Variants in DNAAF6 observed in about 807,000 individuals in gnomAD.
The protein encoded by DNAAF6 is PIH1 domain containing 3.
Under a neutral mutation model 13.7 loss-of-function variants are expected in DNAAF6, and 3 were observed. That is an observed-to-expected ratio of 0.22 (90% CI 0.10 to 0.56). DNAAF6 has a LOEUF of 0.56. DNAAF6 is among the 20% of genes least tolerant of loss of function. DNAAF6 has a pLI of 0.92. For synonymous variants in DNAAF6, 54 were observed against 49.2 expected, an observed-to-expected ratio of 1.10 and a Z score of -0.41; for missense variants, 130 against 151.0, an observed-to-expected ratio of 0.86 and a Z score of 0.73.
chrX:107,217,157 A>G (rs1220213144), intron 3 of DNAAF6, among the ~76,000 whole-genome samples: 2 of 112,031 alleles, frequency 1.8e-5, no homozygotes, highest in Non-Finnish European at 3.8e-5. Context: ...CACTGCAGGT[A>G]AATAGTTTTT....
intron 5 of DNAAF6, among the ~76,000 whole-genome samples, chrX:107,230,293 T>C (rs1225230152): frequency 1.8e-5 from 2 of 111,984 alleles, no homozygotes; most frequent in Non-Finnish European, 3.8e-5. Context: ...CATCTCTATC[T>C]GGACCATTCT....
chrX:107,219,870 C>T (rs1215644954), intron 4 of DNAAF6, among the ~76,000 whole-genome samples: 1 of 109,072 alleles, frequency 9.2e-6, no homozygotes, highest in African/African-American at 3.4e-5. Flanking sequence ...AATCTCTGCT[C>T]ACTGCAACCT....
intron 4 of DNAAF6, among the ~76,000 whole-genome samples, chrX:107,222,219 C>G (rs1928162234): frequency 9.0e-6 from 1 of 110,820 alleles, no homozygotes; most frequent in Non-Finnish European, 1.9e-5. Flanking sequence ...ACTCACCCCT[C>G]CCTCCCATAA....
chrX:107,242,111 C>T (rs1046018286), intron 6 of DNAAF6, among the ~76,000 whole-genome samples: 2 of 111,832 alleles, frequency 1.8e-5, no homozygotes, highest in East Asian at 5.6e-4. Flanking sequence ...AATGCATTGC[C>T]ACTACGTTTG....
At chrX:107,242,955 G>A (rs1267532623) in intron 6 of DNAAF6, among the ~76,000 whole-genome samples, 1 of 111,000 alleles carries the variant, frequency 9.0e-6, no homozygotes, top group African/African-American at 3.3e-5. Flanking sequence ...AAAAATAGGG[G>A]CGCCAAAACA....
intron 5 of DNAAF6, among the ~76,000 whole-genome samples, chrX:107,233,470 C>A (rs1928455716): frequency 9.0e-6 from 1 of 111,105 alleles, no homozygotes. Context: ...AGTTTGTATC[C>A]TTTGACCTGC....
intron 4 of DNAAF6, among the ~76,000 whole-genome samples, chrX:107,221,304 G>GC (rs202004268): frequency 2.8e-5 from 3 of 107,195 alleles, no homozygotes; most frequent in East Asian, 2.9e-4. Flanking sequence ...GCCAACCACC[G>GC]CCCCCCCGGC....
At chrX:107,210,767 T>A (rs1044038556) in intron 1 of DNAAF6, among the ~76,000 whole-genome samples, 4 of 111,073 alleles carry the variant, frequency 3.6e-5, no homozygotes, top group African/African-American at 1.3e-4. Context: ...TACTATCCAA[T>A]AAGTCAGGGC....
chrX:107,225,695 G>A (rs6652955), intron 5 of DNAAF6, among the ~76,000 whole-genome samples: 1 of 111,359 alleles, frequency 9.0e-6, no homozygotes, highest in Non-Finnish European at 1.9e-5. Context: ...ACCCTCCCCA[G>A]ACTCCAAATA....
chrX:107,222,371 C>T (rs1429845991), intron 4 of DNAAF6, among the ~76,000 whole-genome samples: 1 of 111,828 alleles, frequency 8.9e-6, no homozygotes, highest in Non-Finnish European at 1.9e-5. Context: ...CTATCAATCC[C>T]TAGGTTATGG....
At chrX:107,222,068 G>A (rs1602682600) in intron 4 of DNAAF6, among the ~76,000 whole-genome samples, 1 of 111,179 alleles carries the variant, frequency 9.0e-6, no homozygotes, top group Non-Finnish European at 1.9e-5. Flanking sequence ...ATTGTCATGT[G>A]TGGGGTGAAA....
chrX:107,241,841 C>A (rs1278373969), intron 6 of DNAAF6, among the ~76,000 whole-genome samples: 1 of 111,867 alleles, frequency 8.9e-6, no homozygotes, highest in Non-Finnish European at 1.9e-5. Context: ...GAATTTATTT[C>A]TCTCTGGACA....
At chrX:107,209,626 G>A (rs1425252204) in intron 1 of DNAAF6, among the ~76,000 whole-genome samples, 2 of 111,535 alleles carry the variant, frequency 1.8e-5, no homozygotes, top group African/African-American at 6.5e-5. Flanking sequence ...TAGAGTCGGG[G>A]TATCGCCATG....
chrX:107,223,830 ACT>A (rs1483191723), intron 5 of DNAAF6, among the ~76,000 whole-genome samples: 3 of 111,402 alleles, frequency 2.7e-5, no homozygotes, highest in Non-Finnish European at 5.7e-5. Flanking sequence ...GATTTTTCAA[ACT>A]CTAATGAGTT....
At chrX:107,233,635 T>G (rs1402833072) in intron 5 of DNAAF6, among the ~76,000 whole-genome samples, 1 of 106,077 alleles carries the variant, frequency 9.4e-6, no homozygotes, top group African/African-American at 3.5e-5. Flanking sequence ...AGGACATGAG[T>G]TTTTTTTTTA....
At chrX:107,210,859 T>C (rs1248012299) in intron 1 of DNAAF6, among the ~76,000 whole-genome samples, 1 of 111,700 alleles carries the variant, frequency 9.0e-6, no homozygotes, top group Admixed American at 9.6e-5. Flanking sequence ...TAACAGAATA[T>C]GTAGGAGAAT....
intron 4 of DNAAF6, among the ~76,000 whole-genome samples, chrX:107,220,957 T>TTCTG (rs1460566345): frequency 7.9e-4 from 40 of 50,558 alleles, no homozygotes; most frequent in African/African-American, 2.8e-3. Flanking sequence ...CTTTCTTTCT[T>TTCTG]TTTCTTTCTT....
intron 2 of DNAAF6, among the ~76,000 whole-genome samples, chrX:107,214,550 CATAAT>C (rs1927932779): frequency 9.0e-6 from 1 of 110,806 alleles, no homozygotes; most frequent in Admixed American, 9.6e-5. Flanking sequence ...AATAGACTAA[CATAAT>C]ATTACTGAGT....
Position 107,216,661 on chromosome X carries a change from C to T in DNAAF6, c.154-10C>T, listed in dbSNP as rs749244682. ...AATTACAGAATATTGAACTTTTTCTCCTCCCTCAGACAAATGGTTTATCTA... is the reference window on the plus strand; with the variant it reads ...AATTACAGAATATTGAACTTTTTCTTCTCCCTCAGACAAATGGTTTATCTA... On this transcript the variant is annotated splice_polypyrimidine_tract_variant and intron_variant, in intron 2 of 6. Coordinates refer to ENST00000372453, the MANE Select transcript of DNAAF6 (RefSeq NM_173494.2). 1 of 1,167,281 alleles carries T rather than the reference C, an allele frequency of 8.6e-7. No individual in the cohort carries two copies. The highest frequency in any genetic ancestry group is 1.8e-5 in the African/African-American group (1 of 55,660).
Sources: allele counts gnomAD v4.1 joint callset (sites outside exome capture counted in the v4.1 genomes callset), GRCh38; gene constraint gnomAD v4.1.1; transcripts MANE v1.5; gene names NCBI Gene and HGNC (gene_info 2026-07-23, HGNC 2026-07-21).